Variants in AARD observed in about 807,000 individuals in gnomAD.
The protein encoded by AARD is alanine and arginine rich domain containing protein.
In AARD, 9 loss-of-function variants were observed where a neutral mutation model predicts 9.3. The ratio of observed to expected loss-of-function variants is 0.97; its 90% CI spans 0.58 to 1.69. AARD has a LOEUF of 1.69. Among genes scored for constraint, AARD ranks in the 40% most tolerant of loss-of-function variants. AARD has a pLI of 0.00. For synonymous variants in AARD, 91 were observed against 93.8 expected, an observed-to-expected ratio of 0.97 and a Z score of 0.17; for missense variants, 236 against 210.3, an observed-to-expected ratio of 1.12 and a Z score of -0.76.
At position 116,943,397 on chromosome 8, in the gene AARD, T is replaced by C. The variant is rs1813769527; in HGVS notation, c.*696T>C. On this transcript the variant is annotated 3_prime_UTR_variant, in exon 2 of 2. Transcript: ENST00000378279. ...TTTGTTTTACTTGATTATTCTCAGTTTGTCTGTCCAGCAGCCTGCCCTGCT... is the reference window on the plus strand; with the variant it reads ...TTTGTTTTACTTGATTATTCTCAGTCTGTCTGTCCAGCAGCCTGCCCTGCT... 1 of 152,236 alleles carries C rather than the reference T, an allele frequency of 6.6e-6. No individual in the cohort carries two copies. Among genetic ancestry groups the C allele is most frequent in the Admixed American group, 6.5e-5 (1 of 15,276 alleles). 9.4% of individuals were successfully genotyped at this position (152,236 alleles called of 1,614,324 possible).
chr8:116,942,489 A>T, intron 1 of AARD, 69 bp from the exon 2 acceptor site: 1 of 1,309,184 alleles, frequency 7.6e-7, no homozygotes, highest in Non-Finnish European at 1.0e-6. Context: ...TCTTCTGTGT[A>T]GTCAGAGAGT....
At position 116,942,645 on chromosome 8, in the gene AARD, C is replaced by G. The variant is rs1472403986; in HGVS notation, c.412C>G (p.Leu138Val). 1 of 1,613,902 alleles carries G rather than the reference C, an allele frequency of 6.2e-7. No individual in the cohort carries two copies. Among genetic ancestry groups the G allele is most frequent in the Non-Finnish European group, 8.5e-7 (1 of 1,179,966 alleles). The part of the protein sequence containing the change: ...KVQQLKKEYE[L>V]EITSDSQSPK... ...GCAGCAATTGAAAAAGGAGTATGAACTGGAAATTACATCAGACTCCCAAAG... is the reference window on the plus strand; with the variant it reads ...GCAGCAATTGAAAAAGGAGTATGAAGTGGAAATTACATCAGACTCCCAAAG... Residue 138 changes from leucine to valine, a missense_variant, in exon 2 of 2, where the codon CTG becomes GTG. Physicochemically the swap from Leu to Val is conservative, Grantham distance 32. Transcript: ENST00000378279.
rs776815892 is a variant in AARD, at chr8:116,942,656, A to T, written c.423A>T (p.Thr141=). 3 of 1,613,870 alleles carry T rather than the reference A, an allele frequency of 1.9e-6. No homozygotes were observed. The highest frequency in any genetic ancestry group is 1.7e-5 in the Admixed American group (1 of 60,002). The part of the protein sequence containing the change: ...QLKKEYELEI[T]SDSQSPKDDA... The stretch of plus-strand genomic sequence containing the variant: ...AAAAGGAGTATGAACTGGAAATTAC[A>T]TCAGACTCCCAAAGCCCAAAAGATG... Residue 141 remains threonine, a synonymous_variant, in exon 2 of 2, where the codon ACA becomes ACT. Transcript: ENST00000378279.
chr8:116,941,922 C>G (rs28483524), intron 1 of AARD, among the ~76,000 whole-genome samples: 406 of 149,484 alleles, frequency 2.7e-3, no homozygotes, highest in African/African-American at 9.4e-3. Context: ...CCCCGGGTAA[C>G]ATGCCCTAGA....
rs1813700168 is a variant in AARD, at chr8:116,938,459, G to C, written c.216G>C (p.Gln72His). Residue 72 changes from glutamine (Q) to histidine (H), a missense_variant, in exon 1 of 2, where the codon CAG becomes CAC. Coordinates refer to ENST00000378279, the MANE Select transcript of AARD (RefSeq NM_001025357.3). The stretch of plus-strand genomic sequence containing the variant: ...CGCGCGCCTTCCAGTGGGCGGTGCA[G>C]CGCGCGATCTCGAGGCGCGTGCAGG... The part of the protein sequence containing the change: ...RLTRAFQWAV[Q>H]RAISRRVQEA... 2 of 1,599,212 alleles carry C rather than the reference G, an allele frequency of 1.3e-6. No homozygotes were observed. The highest frequency in any genetic ancestry group is 2.2e-5 in the South Asian group (2 of 89,610).
At position 116,942,785 on chromosome 8, in the gene AARD, C is replaced by T. The variant is rs182681943; in HGVS notation, c.*84C>T. 6.0e-4 allele frequency: 829 copies of T among 1,381,670 alleles called. 6 individuals carry two copies. The East Asian group carries it at 7.5e-3, about 12-fold the overall frequency. 85.6% of individuals were successfully genotyped at this position (1,381,670 alleles called of 1,614,324 possible). On this transcript the variant is annotated 3_prime_UTR_variant, in exon 2 of 2. Transcript: ENST00000378279. ...GGAGGCCGAGGCGGGCGGATCAAGACGTCAGGAGATTGAGACCATCCTGGC... is the reference window on the plus strand; with the variant it reads ...GGAGGCCGAGGCGGGCGGATCAAGATGTCAGGAGATTGAGACCATCCTGGC...
intron 1 of AARD, 29 bp from the exon 2 acceptor site, chr8:116,942,529 T>A: frequency 6.4e-7 from 1 of 1,573,564 alleles, no homozygotes; most frequent in Non-Finnish European, 8.6e-7. Context: ...CTCAGGCTAA[T>A]AAAATTTTTA....
Position 116,942,685 on chromosome 8 carries a change from C to T in AARD, c.452C>T (p.Ala151Val). ...TSDSQSPKDD[A>V]ANPE ...GACTCCCAAAGCCCAAAAGATGATG[C>T]TGCGAATCCGGAATAAAGAAATGCA... is the stretch of plus-strand genomic sequence containing the variant. The change falls in exon 2 of 2, where the codon GCT becomes GTT. Residue 151 changes from alanine (A) to valine (V), a missense_variant. Coordinates refer to ENST00000378279, the MANE Select transcript of AARD (RefSeq NM_001025357.3). 1 of 1,613,646 alleles carries T rather than the reference C, an allele frequency of 6.2e-7. No individual in the cohort carries two copies. The highest frequency in any genetic ancestry group is 8.5e-7 in the Non-Finnish European group (1 of 1,179,906).
intron 1 of AARD, among the ~76,000 whole-genome samples, chr8:116,939,133 T>G (rs915391852): frequency 6.6e-6 from 1 of 152,104 alleles, no homozygotes; most frequent in African/African-American, 2.4e-5. Flanking sequence ...AACTGGAAAT[T>G]AGTCACAACT....
In AARD at chr8:116,942,776, G is replaced by A. The variant is rs1487680401; in HGVS notation, c.*75G>A. The A allele has an allele frequency of 3.8e-5, 54 of 1,438,554 alleles. No homozygotes were observed. Among genetic ancestry groups the A allele is most frequent in the African/African-American group, 7.0e-5 (5 of 71,128 alleles). 89.1% of individuals were successfully genotyped at this position (1,438,554 alleles called of 1,614,324 possible). A position where few individuals can be genotyped will look rare whatever the true frequency, so the allele number is the denominator to read the frequency against. On this transcript the variant is annotated 3_prime_UTR_variant, in exon 2 of 2. Coordinates refer to ENST00000378279, the MANE Select transcript of AARD (RefSeq NM_001025357.3). Reference sequence around the variant, plus strand: ...AGCACTTTGGGAGGCCGAGGCGGGCGGATCAAGACGTCAGGAGATTGAGAC... The same window carrying A: ...AGCACTTTGGGAGGCCGAGGCGGGCAGATCAAGACGTCAGGAGATTGAGAC...
chr8:116,942,487 G>T, intron 1 of AARD, 71 bp from the exon 2 acceptor site: 1 of 1,297,694 alleles, frequency 7.7e-7, no homozygotes, highest in South Asian at 1.5e-5. Flanking sequence ...TTTCTTCTGT[G>T]TAGTCAGAGA....
At position 116,943,840 on chromosome 8, in the gene AARD, G is replaced by A. The variant is rs980571978; in HGVS notation, c.*1139G>A. The A allele has an allele frequency of 6.6e-6, 1 of 152,146 alleles. No individual in the cohort carries two copies. The highest frequency in any genetic ancestry group is 1.5e-5 in the Non-Finnish European group (1 of 68,032). 9.4% of individuals were successfully genotyped at this position (152,146 alleles called of 1,614,324 possible). ...TTTTTGCCTAAGTAAATTCAAGCTG[G>A]AGTTTCATGACTTGTATCTAGTGTT... On this transcript the variant is annotated 3_prime_UTR_variant, in exon 2 of 2. Coordinates refer to ENST00000378279, the MANE Select transcript of AARD (RefSeq NM_001025357.3).
rs1182416213 is a variant in AARD at position 116,944,424 on chromosome 8, C to T, written c.*1723C>T. ...CTCCAGCCTGGGTGACAGAGGGGGACTTGGCCTCGAAAAAATAAATAAATA... is the reference window on the plus strand; with the variant it reads ...CTCCAGCCTGGGTGACAGAGGGGGATTTGGCCTCGAAAAAATAAATAAATA... On this transcript the variant is annotated 3_prime_UTR_variant, in exon 2 of 2. Transcript: ENST00000378279. 6.6e-6 allele frequency: 1 copy of T among 152,132 alleles called. No homozygotes were observed. The highest frequency in any genetic ancestry group is 1.5e-5 in the Non-Finnish European group (1 of 68,030). The allele number at this position is 152,132 out of a possible 1,614,324, so 9.4% of individuals were successfully genotyped here. A position where few individuals can be genotyped will look rare whatever the true frequency, so the allele number is the denominator to read the frequency against.
chr8:116,938,671 G>T, intron 1 of AARD, 104 bp downstream of exon 1: 1 of 1,357,742 alleles, frequency 7.4e-7, no homozygotes, highest in Non-Finnish European at 9.5e-7. Flanking sequence ...CGCCTTGGGG[G>T]GCCCCTCAGG....
intron 1 of AARD, among the ~76,000 whole-genome samples, chr8:116,942,146 A>T (rs564515686): frequency 1.2e-3 from 179 of 152,346 alleles, no homozygotes; most frequent in South Asian, 6.2e-3. Context: ...TAAGTAATCA[A>T]GTAAATAGCA....
rs575118752 is a variant in AARD at position 116,938,485 on chromosome 8, A to AGGCGGC, written c.259_264dup (p.Ala87_Ala88dup). ...CGCGCGATCTCGAGGCGCGTGCAGG[A>AGGCGGC]GGCGGCGGCGGCGGCGGCGGCGCGG... On this transcript the variant is annotated inframe_insertion, in exon 1 of 2. Transcript: ENST00000378279. The AGGCGGC allele has an allele frequency of 9.7e-5, 152 of 1,559,048 alleles. No individual in the cohort carries two copies. The highest frequency in any genetic ancestry group is 2.1e-4 in the African/African-American group (15 of 72,200).
rs375944860 is a variant in AARD at position 116,938,431 on chromosome 8, T to A, written c.188T>A (p.Leu63Gln). ...CTGCTGGAGGACCTCAGACGACGGC[T>A]GACGCGCGCCTTCCAGTGGGCGGTG... ...SPLLEDLRRR[L>Q]TRAFQWAVQR... The change falls in exon 1 of 2, where the codon CTG becomes CAG. Residue 63 changes from leucine to glutamine, a missense_variant. Physicochemically the swap from Leu to Gln is moderately radical, Grantham distance 113. Transcript: ENST00000378279. 6.2e-7 allele frequency: 1 copy of A among 1,609,846 alleles called. No individual in the cohort carries two copies. The highest frequency in any genetic ancestry group is 1.1e-5 in the South Asian group (1 of 90,684).
At position 116,938,429 on chromosome 8, in the gene AARD, G is replaced by A. The variant is rs760711027; in HGVS notation, c.186G>A (p.Arg62=). 1.9e-6 allele frequency: 3 copies of A among 1,609,766 alleles called. No individual in the cohort carries two copies. Among genetic ancestry groups the A allele is most frequent in the Non-Finnish European group, 2.5e-6 (3 of 1,178,714 alleles). ...CGCTGCTGGAGGACCTCAGACGACGGCTGACGCGCGCCTTCCAGTGGGCGG... is the reference window on the plus strand; with the variant it reads ...CGCTGCTGGAGGACCTCAGACGACGACTGACGCGCGCCTTCCAGTGGGCGG... ...ASPLLEDLRR[R]LTRAFQWAVQ... The change falls in exon 1 of 2, where the codon CGG becomes CGA. Residue 62 remains arginine, a synonymous_variant. Coordinates refer to ENST00000378279, the MANE Select transcript of AARD (RefSeq NM_001025357.3).
At chr8:116,938,773 T>G (rs1586308267) in intron 1 of AARD, 1 of 694,764 alleles carries the variant, frequency 1.4e-6, no homozygotes, top group Non-Finnish European at 2.1e-6. Flanking sequence ...GGGGCGGGGG[T>G]GCCTGGTCTA....
Sources: allele counts gnomAD v4.1 joint callset (sites outside exome capture counted in the v4.1 genomes callset), GRCh38; gene constraint gnomAD v4.1.1; transcripts MANE v1.5; gene names NCBI Gene and HGNC (gene_info 2026-07-23, HGNC 2026-07-21).